The following QRFP variants were observed in gnomAD, a reference collection of about 807,000 sequenced individuals.
QRFP encodes pyroglutamylated RFamide peptide.
In QRFP, 7 loss-of-function variants were observed where a neutral mutation model predicts 9.1. The observed-to-expected ratio is 0.77, with a 90% CI of 0.44 to 1.45. QRFP has a LOEUF of 1.45. QRFP is among the 40% of genes most tolerant of loss of function. QRFP has a pLI of 0.01. For synonymous variants in QRFP, 91 were observed against 80.2 expected, an observed-to-expected ratio of 1.13 and a Z score of -0.72; for missense variants, 204 against 185.4, an observed-to-expected ratio of 1.10 and a Z score of -0.58.
At chr9:130,894,794 A>G (rs377502206) in intron 2 of QRFP, among the ~76,000 whole-genome samples, 2 of 152,054 alleles carry the variant, frequency 1.3e-5, no homozygotes, top group South Asian at 4.1e-4. Context: ...TGTACTCCAC[A>G]TGGCACTCGG....
Position 130,894,081 on chromosome 9 carries a change from A to G in QRFP, c.1-243T>C, listed in dbSNP as rs891184443. Among the ~76,000 whole-genome samples, 4 of 152,188 alleles carry G rather than the reference A, an allele frequency of 2.6e-5. No individual in the cohort carries two copies. The East Asian group carries it at 7.7e-4, about 29-fold the overall frequency. On this transcript the variant is annotated intron_variant, in intron 2 of 2. Coordinates refer to ENST00000623824, the MANE Select transcript of QRFP (RefSeq NM_198180.3). ...GATCTGCGTGCCTGGGCAGCTTAGC[A>G]CCGTAAATCCACCGCTGCTGGCTGG...
At chr9:130,895,331 C>T (rs1831741377) in intron 2 of QRFP, among the ~76,000 whole-genome samples, 1 of 152,202 alleles carries the variant, frequency 6.6e-6, no homozygotes, top group Non-Finnish European at 1.5e-5. Context: ...AGAAAGGAGA[C>T]AGCCTGACAG....
chr9:130,895,190 C>T (rs536519315), intron 2 of QRFP, among the ~76,000 whole-genome samples: 12 of 152,270 alleles, frequency 7.9e-5, no homozygotes, highest in African/African-American at 2.9e-4. Flanking sequence ...GGGGCTTCCA[C>T]GAGGTGACTT....
Position 130,893,336 on chromosome 9 carries a change from G to C in QRFP, c.*92C>G, listed in dbSNP as rs916207249. The C allele has an allele frequency of 2.3e-6, 3 of 1,286,618 alleles. No individual in the cohort carries two copies. The highest frequency in any genetic ancestry group is 2.4e-5 in the East Asian group (1 of 42,372). 79.7% of individuals were successfully genotyped at this position (1,286,618 alleles called of 1,614,324 possible). A position where few individuals can be genotyped will look rare whatever the true frequency, so the allele number is the denominator to read the frequency against. ...TCGTAACCAAGCCTACATCATCTGGGTGTCGTGGTCTTTGAGACTGGGGGA... is the reference window on the plus strand; with the variant it reads ...TCGTAACCAAGCCTACATCATCTGGCTGTCGTGGTCTTTGAGACTGGGGGA... On this transcript the variant is annotated 3_prime_UTR_variant, in exon 3 of 3. Transcript: ENST00000623824.
chr9:130,895,536 A>G (rs888701731), intron 2 of QRFP, among the ~76,000 whole-genome samples, 161 bp downstream of exon 2: 40 of 152,202 alleles, frequency 2.6e-4, no homozygotes, highest in African/African-American at 9.4e-4. Context: ...GCCGTGACCA[A>G]TCTGTGCTGC....
At position 130,893,525 on chromosome 9, in the gene QRFP, C is replaced by T. The variant is rs780463940; in HGVS notation, c.314G>A (p.Gly105Glu). ...CCCTAACGGGCCGCTGGTCTTCTCCCCCGCAGCAGGGAGGAAGCCGGTGGC... is the reference window on the plus strand; with the variant it reads ...CCCTAACGGGCCGCTGGTCTTCTCCTCCGCAGCAGGGAGGAAGCCGGTGGC... ...SEATGFLPAA[G>E]EKTSGPLGNL... The change falls in exon 3 of 3, where the codon GGG (glycine) becomes GAG (glutamate). Residue 105 changes from glycine (G) to glutamate (E), a missense_variant. By Grantham distance (98) the Gly-to-Glu change is moderately conservative. Coordinates refer to ENST00000623824, the MANE Select transcript of QRFP (RefSeq NM_198180.3). 1.9e-6 allele frequency: 3 copies of T among 1,612,550 alleles called. No individual in the cohort carries two copies. The highest frequency in any genetic ancestry group is 2.2e-5 in the South Asian group (2 of 91,020).
rs117716016 is a variant in QRFP at position 130,893,436 on chromosome 9, G to T, written c.403C>A (p.Arg135=). The T allele has an allele frequency of 7.0e-6, 11 of 1,581,852 alleles. No individual in the cohort carries two copies. The highest frequency in any genetic ancestry group is 2.3e-5 in the South Asian group (2 of 88,198). ...KKGGFSFRFG[R]R ...CAAGGCGTCCTGGCCCTTCACCGCC[G>T]ACCGAAGCGGAAGCTGAAGCCGCCT... The change falls in exon 3 of 3, where the codon CGG becomes AGG. Residue 135 remains arginine (R), a synonymous_variant. Transcript: ENST00000623824.
Position 130,893,234 on chromosome 9 carries a change from T to C in QRFP, c.*194A>G. On this transcript the variant is annotated 3_prime_UTR_variant, in exon 3 of 3. Coordinates refer to ENST00000623824, the MANE Select transcript of QRFP (RefSeq NM_198180.3). ...TCCAAGACAGCCTCCTTTTTGACAC[T>C]GCCTAGTTTTTCGCTTCAGCAAAGT... 1.9e-6 allele frequency: 1 copy of C among 520,230 alleles called. No homozygotes were observed. 32.2% of individuals were successfully genotyped at this position (520,230 alleles called of 1,614,324 possible).
chr9:130,895,403 G>T (rs113532932), intron 2 of QRFP, among the ~76,000 whole-genome samples: 1 of 152,218 alleles, frequency 6.6e-6, no homozygotes, highest in African/African-American at 2.4e-5. Context: ...CAAGAATCTG[G>T]TAGAAAGTGG....
chr9:130,893,492 G>A lies in QRFP; in HGVS notation c.347C>T (p.Ala116Val). The A allele has an allele frequency of 1.2e-6, 2 of 1,609,914 alleles. No individual in the cohort carries two copies. Among genetic ancestry groups the A allele is most frequent in the Non-Finnish European group, 1.7e-6 (2 of 1,177,530 alleles). Residue 116 changes from alanine (A) to valine (V), a missense_variant, in exon 3 of 3, where the codon GCT becomes GTT. Physicochemically the swap from Ala to Val is moderately conservative, Grantham distance 64. Coordinates refer to ENST00000623824, the MANE Select transcript of QRFP (RefSeq NM_198180.3). The part of the protein sequence containing the change: ...EKTSGPLGNL[A>V]EELNGYSRKK... ...CCTGCTGTAGCCATTGAGCTCCTCA[G>A]CCAGGTTCCCTAACGGGCCGCTGGT...
chr9:130,894,023 C>T (rs1831725066), intron 2 of QRFP, among the ~76,000 whole-genome samples, 185 bp from the exon 3 acceptor site: 1 of 152,192 alleles, frequency 6.6e-6, no homozygotes, highest in Non-Finnish European at 1.5e-5. Flanking sequence ...GTGATTGTGC[C>T]AGTTAGGCCG....
Position 130,893,832 on chromosome 9 carries a change from T to C in QRFP, c.7A>G (p.Arg3Gly). 6.6e-7 allele frequency: 1 copy of C among 1,518,016 alleles called. No individual in the cohort carries two copies. Among genetic ancestry groups the C allele is most frequent in the Non-Finnish European group, 8.8e-7 (1 of 1,133,144 alleles). The allele number at this position is 1,518,016 out of a possible 1,614,324, so 94.0% of individuals were successfully genotyped here. Residue 3 changes from arginine to glycine, a missense_variant, in exon 3 of 3, where the codon AGG becomes GGG. Arg to Gly is a moderately radical substitution (Grantham distance 125). Coordinates refer to ENST00000623824, the MANE Select transcript of QRFP (RefSeq NM_198180.3). MV[R>G]PYPLIYFLFL... The stretch of plus-strand genomic sequence containing the variant: ...AGGAAGTAGATCAGGGGGTAAGGCC[T>C]TACCATCTGACCCAGAGGAAAGAGA...
At position 130,893,516 on chromosome 9, in the gene QRFP, GTCT is replaced by G. The variant is rs752348403; in HGVS notation, c.320_322del (p.Lys107del). 6.2e-7 allele frequency: 1 copy of G among 1,612,046 alleles called. No individual in the cohort carries two copies. Among genetic ancestry groups the G allele is most frequent in the African/African-American group, 1.3e-5 (1 of 74,916 alleles). Reference sequence around the variant, plus strand: ...AGCCAGGTTCCCTAACGGGCCGCTGGTCTTCTCCCCCGCAGCAGGGAGGAAGCC... The same window carrying G: ...AGCCAGGTTCCCTAACGGGCCGCTGGTCTCCCCCGCAGCAGGGAGGAAGCC... On this transcript the variant is annotated inframe_deletion, in exon 3 of 3. Coordinates refer to ENST00000623824, the MANE Select transcript of QRFP (RefSeq NM_198180.3).
At position 130,892,767 on chromosome 9, in the gene QRFP, A is replaced by G. The variant is rs1333603307; in HGVS notation, c.*661T>C. The stretch of plus-strand genomic sequence containing the variant: ...CACACGACATATTCTGATTTTGAAC[A>G]TGTGAAATGCAACCTTGCTATAGCA... On this transcript the variant is annotated 3_prime_UTR_variant, in exon 3 of 3. Coordinates refer to ENST00000623824, the MANE Select transcript of QRFP (RefSeq NM_198180.3). The G allele has an allele frequency of 1.3e-5, 2 of 150,820 alleles. No homozygotes were observed. Among genetic ancestry groups the G allele is most frequent in the Non-Finnish European group, 2.9e-5 (2 of 67,950 alleles). The allele number at this position is 150,820 out of a possible 1,614,324, so 9.3% of individuals were successfully genotyped here. A position where few individuals can be genotyped will look rare whatever the true frequency, so the allele number is the denominator to read the frequency against.
intron 2 of QRFP, among the ~76,000 whole-genome samples, chr9:130,895,288 A>T (rs994323382): frequency 6.6e-6 from 1 of 152,178 alleles, no homozygotes; most frequent in African/African-American, 2.4e-5. Flanking sequence ...ATCCTGGTGG[A>T]TAAATCCACC....
chr9:130,894,970 C>T (rs1211487569), intron 2 of QRFP, among the ~76,000 whole-genome samples: 1 of 152,212 alleles, frequency 6.6e-6, no homozygotes. Flanking sequence ...CTGGAGAAGA[C>T]AGTACAGGAG....
intron 2 of QRFP, among the ~76,000 whole-genome samples, 157 bp downstream of exon 2, chr9:130,895,540 G>A (rs981049378): frequency 6.6e-6 from 1 of 152,250 alleles, no homozygotes; most frequent in Non-Finnish European, 1.5e-5. Context: ...TGACCAATCT[G>A]TGCTGCTCTG....
chr9:130,894,582 T>G (rs940032648), intron 2 of QRFP, among the ~76,000 whole-genome samples: 3 of 152,182 alleles, frequency 2.0e-5, no homozygotes, highest in Admixed American at 2.0e-4. Context: ...GGATTCATGA[T>G]TCTAATGGCC....
intron 2 of QRFP, 89 bp downstream of exon 2, chr9:130,895,608 C>G (rs1831746309): frequency 6.5e-6 from 1 of 152,816 alleles, no homozygotes; most frequent in Non-Finnish European, 1.5e-5. Flanking sequence ...CCCTGTGCTT[C>G]TGTGTGCCCT....
Sources: gnomAD v4.1 joint callset for allele counts (sites outside exome capture counted in the v4.1 genomes callset) on GRCh38, gnomAD v4.1.1 for gene constraint, MANE v1.5 for transcripts, NCBI Gene and HGNC (gene_info 2026-07-23, HGNC 2026-07-21) for gene names.